ABI3BP: variants seen among roughly 807,000 people sequenced by gnomAD.
ABI3BP encodes the protein target of Nesh-SH3.
ABI3BP carries 216 observed loss-of-function variants against 268.6 expected under a neutral mutation model. The observed-to-expected ratio is 0.80, with a 90% CI of 0.72 to 0.90. The LOEUF (loss-of-function observed/expected upper bound fraction) is 0.90, where lower values mean the gene tolerates loss of function less well. Ranked by LOEUF, ABI3BP falls within the 40% of genes least tolerant of loss-of-function variation. The pLI, the probability that ABI3BP is intolerant of heterozygous loss-of-function variation, is 0.00. For missense variants in ABI3BP, 2,090 were observed against 2,182.4 expected, an observed-to-expected ratio of 0.96 and a Z score of 0.84; for synonymous variants, 730 against 730.0, an observed-to-expected ratio of 1.00 and a Z score of 0.00.
intron 14 of ABI3BP, among the ~76,000 whole-genome samples, chr3:100,859,668 A>G (rs958761561): frequency 6.6e-6 from 1 of 152,216 alleles, no homozygotes; most frequent in African/African-American, 2.4e-5. Flanking sequence ...TACATTTGTT[A>G]TTAAATTTTA....
At chr3:100,888,645 C>G (rs533632889) in intron 4 of ABI3BP, among the ~76,000 whole-genome samples, 7 of 152,194 alleles carry the variant, frequency 4.6e-5, no homozygotes, top group African/African-American at 1.7e-4. Context: ...GAGTGTAAAT[C>G]TTTTCCATTT....
intron 4 of ABI3BP, among the ~76,000 whole-genome samples, chr3:100,887,446 C>T (rs7623737): frequency 0.082 from 12,415 of 151,950 alleles, 999 homozygotes; most frequent in East Asian, 0.27. Flanking sequence ...TGAAAGGATA[C>T]AACATTTCTG....
intron 1 of ABI3BP, among the ~76,000 whole-genome samples, chr3:100,952,250 A>T (rs1195216034): frequency 1.3e-5 from 2 of 152,216 alleles, no homozygotes; most frequent in African/African-American, 4.8e-5. Context: ...AATATAGTTA[A>T]TAACAATTCA....
intron 57 of ABI3BP, among the ~76,000 whole-genome samples, chr3:100,781,368 T>C (rs2096858506): frequency 6.6e-6 from 1 of 152,134 alleles, no homozygotes; most frequent in African/African-American, 2.4e-5. Flanking sequence ...CTCTGCTGCT[T>C]GAGTAAGAGA....
intron 51 of ABI3BP, among the ~76,000 whole-genome samples, chr3:100,801,317 A>G (rs2097527820): frequency 6.6e-6 from 1 of 151,438 alleles, no homozygotes; most frequent in African/African-American, 2.4e-5. Flanking sequence ...AGTCCCAGCT[A>G]CTTGGGAGGC....
At chr3:100,758,861 C>T (rs2095785257) in intron 63 of ABI3BP, among the ~76,000 whole-genome samples, 1 of 152,164 alleles carries the variant, frequency 6.6e-6, no homozygotes, top group South Asian at 2.1e-4. Context: ...GAGACAAGAA[C>T]CTCCAACCTG....
intron 9 of ABI3BP, among the ~76,000 whole-genome samples, chr3:100,873,310 A>C (rs2099127864): frequency 6.6e-6 from 1 of 152,160 alleles, no homozygotes; most frequent in Non-Finnish European, 1.5e-5. Flanking sequence ...CAAAACTTCT[A>C]AACATCTCTA....
intron 5 of ABI3BP, among the ~76,000 whole-genome samples, chr3:100,885,875 G>A (rs2041767173): frequency 6.6e-6 from 1 of 151,898 alleles, no homozygotes; most frequent in African/African-American, 2.4e-5. Flanking sequence ...TTCGCAGGTA[G>A]GGATTGATTT....
At chr3:100,823,972 A>C (rs533709088) in intron 36 of ABI3BP, among the ~76,000 whole-genome samples, 29 of 152,312 alleles carry the variant, frequency 1.9e-4, no homozygotes, top group African/African-American at 7.0e-4. Context: ...GAAGTGGACT[A>C]TGTTCATCTT....
intron 29 of ABI3BP, among the ~76,000 whole-genome samples, chr3:100,834,286 G>A (rs925875861): frequency 6.6e-6 from 1 of 152,026 alleles, no homozygotes; most frequent in Admixed American, 6.6e-5. Context: ...TCACATTCCT[G>A]TATATCTATT....
chr3:100,900,183 C>T (rs1424170545), intron 3 of ABI3BP, among the ~76,000 whole-genome samples: 3 of 152,194 alleles, frequency 2.0e-5, no homozygotes, highest in African/African-American at 7.2e-5. Flanking sequence ...CTAACTTCTG[C>T]AGACCCAGCT....
intron 9 of ABI3BP, among the ~76,000 whole-genome samples, chr3:100,874,558 T>G (rs1158941879): frequency 6.6e-6 from 1 of 152,200 alleles, no homozygotes; most frequent in Non-Finnish European, 1.5e-5. Context: ...TTAGAATTAC[T>G]TTATTAGAAA....
intron 1 of ABI3BP, among the ~76,000 whole-genome samples, chr3:100,975,863 G>A (rs1011594418): frequency 6.6e-6 from 1 of 152,098 alleles, no homozygotes; most frequent in Admixed American, 6.6e-5. Context: ...TATTTGGTCT[G>A]GGAAGAGGCA....
chr3:100,796,510 C>A lies in ABI3BP; in HGVS notation c.3758-42G>T, dbSNP rs767867866. 1.0e-5 allele frequency: 15 copies of A among 1,480,310 alleles called. No homozygotes were observed. In the East Asian group the frequency reaches 3.0e-4, roughly 30 times the overall value. 91.7% of individuals were successfully genotyped at this position (1,480,310 alleles called of 1,614,324 possible). The stretch of plus-strand genomic sequence containing the variant: ...ATAAAACACTGCATACTCTAAATAA[C>A]CCAACTGGAGTGAGCTTAACCCACA... On this transcript the variant is annotated intron_variant, in intron 51 of 67. Transcript: ENST00000471714.
rs1457065629 is a variant in ABI3BP at position 100,935,612 on chromosome 3, ACGG to A, written c.80-9134_80-9132del. ...ATATTGATTCTTCCTATCCATGAGC[ACGG>A]AATGTTTTTCCATTTGTTTGTGTCC... is the stretch of plus-strand genomic sequence containing the variant. On this transcript the variant is annotated intron_variant, in intron 1 of 67. Transcript: ENST00000471714. Among the ~76,000 whole-genome samples the A allele has an allele frequency of 2.2e-3, 329 of 152,306 alleles. 1 individual carries two copies. The highest frequency in any genetic ancestry group is 7.5e-3 in the African/African-American group (310 of 41,572).
At position 100,837,219 on chromosome 3, in the gene ABI3BP, CT is replaced by C. The variant is rs747423418; in HGVS notation, c.2084-49del. On this transcript the variant is annotated intron_variant, in intron 26 of 67. Coordinates refer to ENST00000471714, the MANE Select transcript of ABI3BP (RefSeq NM_001375547.2). ...ATATAAGTAATAAAAGCAAGGAAGT[CT>C]AAACTTTTGGGTGCTCATTGGTGTT... The C allele has an allele frequency of 1.6e-4, 242 of 1,480,058 alleles. No homozygotes were observed. In the African/African-American group the frequency reaches 3.2e-3, roughly 20 times the overall value. 91.7% of individuals were successfully genotyped at this position (1,480,058 alleles called of 1,614,324 possible). A position where few individuals can be genotyped will look rare whatever the true frequency, so the allele number is the denominator to read the frequency against.
At chr3:100,966,940 C>CTT (rs201088816) in intron 1 of ABI3BP, among the ~76,000 whole-genome samples, 1 of 143,456 alleles carries the variant, frequency 7.0e-6, no homozygotes, top group African/African-American at 2.5e-5. Context: ...ATTTGTAAGG[C>CTT]TTTTTTTTTT....
intron 1 of ABI3BP, among the ~76,000 whole-genome samples, chr3:100,960,697 C>A (rs546979179): frequency 5.9e-5 from 9 of 152,132 alleles, no homozygotes; most frequent in African/African-American, 2.2e-4. Context: ...CCCATAAGTG[C>A]GGACTTTGAA....
chr3:100,987,509 T>C (rs2092119013), intron 1 of ABI3BP, among the ~76,000 whole-genome samples: 1 of 152,168 alleles, frequency 6.6e-6, no homozygotes, highest in Non-Finnish European at 1.5e-5. Context: ...AAACCTCAGG[T>C]TCTAAATTTA....
Sources: allele counts gnomAD v4.1 joint callset (sites outside exome capture counted in the v4.1 genomes callset), GRCh38; gene constraint gnomAD v4.1.1; transcripts MANE v1.5; gene names NCBI Gene and HGNC (gene_info 2026-07-23, HGNC 2026-07-21).